ERG: variants seen among roughly 807,000 people sequenced by gnomAD.
ERG encodes ETS transcription factor ERG.
ERG carries 9 observed loss-of-function variants against 55.3 expected under a neutral mutation model. The observed-to-expected ratio is 0.16, with a 90% CI of 0.10 to 0.28. The LOEUF (loss-of-function observed/expected upper bound fraction) is 0.28. ERG is among the 10% of genes least tolerant of loss of function. ERG has a pLI of 1.00. For missense variants in ERG, 434 were observed against 631.6 expected (o/e 0.69, Z 3.35); for synonymous variants, 223 against 237.3 (o/e 0.94, Z 0.55).
At chr21:38,410,084 T>C (rs1247762838) in intron 3 of ERG, among the ~76,000 whole-genome samples, 1 of 152,224 alleles carries the variant, frequency 6.6e-6, no homozygotes, top group Non-Finnish European at 1.5e-5. Context: ...AGATAATGGA[T>C]GTGAAAGCAC....
intron 1 of ERG, among the ~76,000 whole-genome samples, chr21:38,609,455 CA>C (rs142679958): frequency 3.3e-5 from 5 of 149,404 alleles, no homozygotes; most frequent in Non-Finnish European, 7.4e-5. Context: ...AAAGGTATCT[CA>C]AAAAAAAAGA....
chr21:38,595,790 C>T (rs563132277), intron 1 of ERG, among the ~76,000 whole-genome samples: 1 of 152,258 alleles, frequency 6.6e-6, no homozygotes, highest in Non-Finnish European at 1.5e-5. Flanking sequence ...GAGGGCAGAA[C>T]CTCGCTGGCC....
At chr21:38,432,843 G>T (rs1990280010) in intron 2 of ERG, among the ~76,000 whole-genome samples, 1 of 152,202 alleles carries the variant, frequency 6.6e-6, no homozygotes, top group South Asian at 2.1e-4. Flanking sequence ...CTATGCCCTT[G>T]CTTGGTAAAT....
intron 1 of ERG, chr21:38,660,684 G>C (rs929248218): frequency 9.2e-5 from 14 of 152,072 alleles, no homozygotes; most frequent in Admixed American, 7.2e-4. Flanking sequence ...TGTGGGCGCC[G>C]GGTTCAGGGA....
In ERG at chr21:38,380,075, T is replaced by G; in HGVS notation, c.*3328A>C. The G allele has an allele frequency of 9.8e-7, 1 of 1,018,210 alleles. No homozygotes were observed. Among genetic ancestry groups the G allele is most frequent in the Non-Finnish European group, 1.2e-6 (1 of 849,004 alleles). The allele number at this position is 1,018,210 out of a possible 1,614,324, so 63.1% of individuals were successfully genotyped here. On this transcript the variant is annotated 3_prime_UTR_variant, in exon 10 of 10. Coordinates refer to ENST00000288319, the MANE Select transcript of ERG (RefSeq NM_182918.4). ...AAAGTAATTTTTATTCTCTAATTAGTCACCTCACGACTTTATTTGAATGAA... is the reference window on the plus strand; with the variant it reads ...AAAGTAATTTTTATTCTCTAATTAGGCACCTCACGACTTTATTTGAATGAA...
chr21:38,492,945 C>T (rs548102618), intron 1 of ERG, among the ~76,000 whole-genome samples: 8 of 152,266 alleles, frequency 5.3e-5, no homozygotes, highest in African/African-American at 1.4e-4. Flanking sequence ...CTGTTCTTAT[C>T]TGTCAGAATG....
chr21:38,661,200 C>A (rs1205825219), intron 1 of ERG, among the ~76,000 whole-genome samples: 1 of 150,510 alleles, frequency 6.6e-6, no homozygotes, highest in African/African-American at 2.4e-5. Context: ...GGGGGAGCCG[C>A]GGGGGTGCGC....
At chr21:38,579,270 T>C (rs1415764941) in intron 1 of ERG, among the ~76,000 whole-genome samples, 1 of 152,210 alleles carries the variant, frequency 6.6e-6, no homozygotes, top group African/African-American at 2.4e-5. Context: ...GAGCAACTGT[T>C]TGAGTCTCTT....
intron 2 of ERG, among the ~76,000 whole-genome samples, chr21:38,510,136 T>C (rs921176718): frequency 1.3e-5 from 2 of 152,220 alleles, no homozygotes; most frequent in Non-Finnish European, 2.9e-5. Flanking sequence ...ACCACAGTCC[T>C]GAGTGGGATT....
At chr21:38,464,318 C>T (rs2059069583) in intron 1 of ERG, among the ~76,000 whole-genome samples, 1 of 152,118 alleles carries the variant, frequency 6.6e-6, no homozygotes, top group Non-Finnish European at 1.5e-5. Flanking sequence ...AAATAAAAGC[C>T]TCACACATCC....
intron 2 of ERG, among the ~76,000 whole-genome samples, chr21:38,529,092 G>C (rs1322152437): frequency 6.6e-6 from 1 of 152,110 alleles, no homozygotes; most frequent in African/African-American, 2.4e-5. Context: ...GAGTGAGCCA[G>C]TGGTGCTGGA....
chr21:38,616,538 C>T (rs1268564833), intron 1 of ERG, among the ~76,000 whole-genome samples: 1 of 152,054 alleles, frequency 6.6e-6, no homozygotes, highest in Non-Finnish European at 1.5e-5. Context: ...AACACCGAGA[C>T]AGTGCCTTCC....
intron 1 of ERG, among the ~76,000 whole-genome samples, chr21:38,491,263 T>TG (rs2059333424): frequency 6.7e-6 from 1 of 149,172 alleles, no homozygotes; most frequent in South Asian, 2.1e-4. Context: ...AGCATGGAGA[T>TG]GAGAAACTCA....
intron 2 of ERG, among the ~76,000 whole-genome samples, chr21:38,543,775 T>C (rs1392388177): frequency 1.3e-5 from 2 of 150,548 alleles, no homozygotes; most frequent in Admixed American, 6.6e-5. Flanking sequence ...CTCACTCTGT[T>C]GCCCAGGCTG....
At chr21:38,557,906 C>T (rs1005020350) in intron 2 of ERG, among the ~76,000 whole-genome samples, 1 of 152,140 alleles carries the variant, frequency 6.6e-6, no homozygotes, top group African/African-American at 2.4e-5. Context: ...AAGTGTTCTC[C>T]CTGCACTTCA....
intron 2 of ERG, among the ~76,000 whole-genome samples, chr21:38,544,542 T>G (rs1342128350): frequency 6.6e-6 from 1 of 152,104 alleles, no homozygotes; most frequent in Non-Finnish European, 1.5e-5. Context: ...AAAGGAAATG[T>G]CTGGAACTAA....
intron 9 of ERG, among the ~76,000 whole-genome samples, chr21:38,387,324 G>GCAGCAGGTGTGTC (rs1569056544): frequency 1.3e-5 from 2 of 152,194 alleles, no homozygotes. Context: ...CCTCTGCAAG[G>GCAGCAGGTGTGTC]CAGCAGGTGT....
At chr21:38,640,733 T>C (rs1165601628) in intron 1 of ERG, among the ~76,000 whole-genome samples, 1 of 152,118 alleles carries the variant, frequency 6.6e-6, no homozygotes, top group Non-Finnish European at 1.5e-5. Flanking sequence ...CTCAGGTACA[T>C]CTTTATCAGC....
chr21:38,579,801 C>T (rs1029257566), intron 1 of ERG, among the ~76,000 whole-genome samples: 8 of 151,186 alleles, frequency 5.3e-5, no homozygotes, highest in Non-Finnish European at 8.8e-5. Flanking sequence ...CCCCTGCCTC[C>T]TCAACCCACA....
Sources: allele counts gnomAD v4.1 joint callset (sites outside exome capture counted in the v4.1 genomes callset), GRCh38; gene constraint gnomAD v4.1.1; transcripts MANE v1.5; gene names NCBI Gene and HGNC (gene_info 2026-07-23, HGNC 2026-07-21).